Variants in CMBL observed in about 807,000 individuals in gnomAD.
The protein encoded by CMBL is carboxymethylenebutenolidase homolog.
CMBL carries 17 observed loss-of-function variants against 28.7 expected under a neutral mutation model. The ratio of observed to expected loss-of-function variants is 0.59; its 90% CI spans 0.41 to 0.89. The LOEUF is 0.89. Ranked by LOEUF, CMBL falls within the 40% of genes least tolerant of loss-of-function variation. The pLI, the probability that CMBL is intolerant of heterozygous loss-of-function variation, is 0.00. For missense variants in CMBL, 310 were observed against 298.5 expected (o/e 1.04, Z -0.28); for synonymous variants, 106 against 101.6 (o/e 1.04, Z -0.26).
chr5:10,290,791 G>C lies in CMBL; in HGVS notation c.-19-10C>G, dbSNP rs1379712216. 2.5e-6 allele frequency: 4 copies of C among 1,573,740 alleles called. No individual in the cohort carries two copies. Among genetic ancestry groups the C allele is most frequent in the African/African-American group, 1.3e-5 (1 of 74,222 alleles). Reference sequence around the variant, plus strand: ...AGAGATTTAAGTCGGGCTATGGAGAGAGAAACATGCGTTATATTCTGAATG... The same window carrying C: ...AGAGATTTAAGTCGGGCTATGGAGACAGAAACATGCGTTATATTCTGAATG... On this transcript the variant is annotated splice_polypyrimidine_tract_variant and intron_variant, in intron 1 of 5. Coordinates refer to ENST00000296658, the MANE Select transcript of CMBL (RefSeq NM_138809.4).
intron 1 of CMBL, among the ~76,000 whole-genome samples, chr5:10,297,843 G>C (rs1196691631): frequency 6.6e-6 from 1 of 152,198 alleles, no homozygotes; most frequent in Non-Finnish European, 1.5e-5. Flanking sequence ...TGAGGACGTG[G>C]ACACAGACAC....
intron 1 of CMBL, among the ~76,000 whole-genome samples, chr5:10,297,166 T>C (rs866506812): frequency 3.9e-5 from 5 of 127,814 alleles, no homozygotes; most frequent in African/African-American, 5.9e-5. Flanking sequence ...GCCTAGGCAA[T>C]AGAGTGAGAC....
intron 1 of CMBL, among the ~76,000 whole-genome samples, chr5:10,298,234 G>A (rs138137317): frequency 3.3e-5 from 5 of 152,184 alleles, no homozygotes; most frequent in Non-Finnish European, 5.9e-5. Context: ...ACCCCAGTGC[G>A]TGGCTAGAAA....
intron 1 of CMBL, among the ~76,000 whole-genome samples, chr5:10,303,839 C>T (rs1746953014): frequency 6.6e-6 from 1 of 152,176 alleles, no homozygotes; most frequent in African/African-American, 2.4e-5. Context: ...ATCACCCAGC[C>T]GCATGACACT....
At chr5:10,291,337 T>A (rs1424461158) in intron 1 of CMBL, among the ~76,000 whole-genome samples, 1 of 152,088 alleles carries the variant, frequency 6.6e-6, no homozygotes, top group African/African-American at 2.4e-5. Context: ...GAAACCCATC[T>A]CCGTCTAGAT....
intron 4 of CMBL, among the ~76,000 whole-genome samples, chr5:10,283,207 T>C (rs970245112): frequency 2.0e-5 from 3 of 152,104 alleles, no homozygotes; most frequent in African/African-American, 7.2e-5. Context: ...AATAATTGAA[T>C]GATACCTCGT....
At position 10,282,436 on chromosome 5, in the gene CMBL, G is replaced by A. The variant is rs192038459; in HGVS notation, c.467-148C>T. ...TTCAAAGTAAAATCTCTGCTTTGCGGACTTTATTTTCTTTTTTAGCCATTC... is the reference window on the plus strand; with the variant it reads ...TTCAAAGTAAAATCTCTGCTTTGCGAACTTTATTTTCTTTTTTAGCCATTC... On this transcript the variant is annotated intron_variant, in intron 4 of 5. Coordinates refer to ENST00000296658, the MANE Select transcript of CMBL (RefSeq NM_138809.4). 1.4e-4 allele frequency: 85 copies of A among 591,066 alleles called. No homozygotes were observed. The East Asian group carries it at 2.4e-3, about 17-fold the overall frequency. 36.6% of individuals were successfully genotyped at this position (591,066 alleles called of 1,614,324 possible).
At chr5:10,299,030 G>C (rs1746851303) in intron 1 of CMBL, among the ~76,000 whole-genome samples, 1 of 152,130 alleles carries the variant, frequency 6.6e-6, no homozygotes, top group Non-Finnish European at 1.5e-5. Flanking sequence ...GATTTTCCAT[G>C]ACAAAAAGCT....
At chr5:10,300,138 A>G (rs1746873492) in intron 1 of CMBL, among the ~76,000 whole-genome samples, 1 of 152,250 alleles carries the variant, frequency 6.6e-6, no homozygotes, top group Non-Finnish European at 1.5e-5. Context: ...TAGACCATAA[A>G]TCCAATGACT....
At chr5:10,282,619 C>CA (rs1423177897) in intron 4 of CMBL, among the ~76,000 whole-genome samples, 2 of 151,768 alleles carry the variant, frequency 1.3e-5, no homozygotes, top group Non-Finnish European at 2.9e-5. Context: ...CCTGTCTCTA[C>CA]AAAAAATACA....
intron 1 of CMBL, among the ~76,000 whole-genome samples, chr5:10,293,680 A>G (rs867991527): frequency 3.4e-4 from 52 of 152,266 alleles, no homozygotes; most frequent in Non-Finnish European, 1.8e-4. Flanking sequence ...GAATACATCA[A>G]TAGAACAGAC....
intron 4 of CMBL, chr5:10,286,039 T>G: frequency 4.3e-6 from 1 of 234,914 alleles, no homozygotes; most frequent in Non-Finnish European, 8.1e-6. Context: ...TGTGTGATAT[T>G]GATCATCATT....
chr5:10,301,499 G>T (rs1010540835), intron 1 of CMBL, among the ~76,000 whole-genome samples: 1 of 152,034 alleles, frequency 6.6e-6, no homozygotes, highest in South Asian at 2.1e-4. Flanking sequence ...GGTAAGGGGT[G>T]GGGGCGCGTG....
At chr5:10,287,200 G>A (rs1746619635) in intron 3 of CMBL, among the ~76,000 whole-genome samples, 3 of 152,204 alleles carry the variant, frequency 2.0e-5, no homozygotes. Flanking sequence ...GCACACGTAT[G>A]TTTATTGTAG....
In CMBL at chr5:10,280,223, G is replaced by A. The variant is rs1023175589; in HGVS notation, c.*230C>T. On this transcript the variant is annotated 3_prime_UTR_variant, in exon 6 of 6. Transcript: ENST00000296658. ...CAAAGTGCTGGAATTACAGGCATGA[G>A]GCACTACACCTGGTCAGACCTTGTT... 10 of 365,416 alleles carry A rather than the reference G, an allele frequency of 2.7e-5. No homozygotes were observed. In the Admixed American group the frequency reaches 4.2e-4, roughly 15 times the overall value. 22.6% of individuals were successfully genotyped at this position (365,416 alleles called of 1,614,324 possible). A position where few individuals can be genotyped will look rare whatever the true frequency, so the allele number is the denominator to read the frequency against.
intron 3 of CMBL, among the ~76,000 whole-genome samples, chr5:10,288,022 T>C (rs1416741539): frequency 1.4e-5 from 2 of 145,038 alleles, no homozygotes; most frequent in Admixed American, 1.4e-4. Flanking sequence ...TGAGCCACCA[T>C]GCCCGGCCTA....
chr5:10,284,255 T>G (rs1040325403), intron 4 of CMBL, among the ~76,000 whole-genome samples: 4 of 152,250 alleles, frequency 2.6e-5, no homozygotes, highest in African/African-American at 9.6e-5. Context: ...ACAAAGCATC[T>G]CTCAGCTCCA....
At chr5:10,285,684 CTT>C (rs1341121756) in intron 4 of CMBL, among the ~76,000 whole-genome samples, 6 of 59,312 alleles carry the variant, frequency 1.0e-4, no homozygotes, top group Admixed American at 3.6e-4. Flanking sequence ...TTCTTTCTTT[CTT>C]TCTCTTTCTT....
intron 4 of CMBL, among the ~76,000 whole-genome samples, chr5:10,285,700 C>CTTTTTTTTTTTTTTTTT (rs34390937): frequency 7.5e-6 from 1 of 133,706 alleles, no homozygotes; most frequent in African/African-American, 2.8e-5. Context: ...CTTTCTTTTT[C>CTTTTTTTTTTTTTTTTT]TTTTTTTTTT....
Sources: allele counts gnomAD v4.1 joint callset (sites outside exome capture counted in the v4.1 genomes callset), GRCh38; gene constraint gnomAD v4.1.1; transcripts MANE v1.5; gene names NCBI Gene and HGNC (gene_info 2026-07-23, HGNC 2026-07-21).